CPSF6: variants seen among roughly 807,000 people sequenced by gnomAD.
The protein encoded by CPSF6 is cleavage and polyadenylation specificity factor subunit 6.
Under a neutral mutation model 56.7 loss-of-function variants are expected in CPSF6, and 10 were observed. The ratio of observed to expected loss-of-function variants is 0.18; its 90% CI spans 0.11 to 0.30. The LOEUF is 0.30. CPSF6 is among the 10% of genes least tolerant of loss of function. CPSF6 has a pLI of 1.00. For missense variants in CPSF6, 419 were observed against 722.9 expected (o/e 0.58, Z 4.82); for synonymous variants, 248 against 244.8 (o/e 1.01, Z -0.12).
chr12:69,245,762 A>G (rs1169465304), intron 1 of CPSF6, among the ~76,000 whole-genome samples: 1 of 152,180 alleles, frequency 6.6e-6, no homozygotes, highest in African/African-American at 2.4e-5. Context: ...CCGATAGCAC[A>G]AATTTAGTAA....
At chr12:69,241,903 C>T (rs1327838127) in intron 1 of CPSF6, among the ~76,000 whole-genome samples, 1 of 149,670 alleles carries the variant, frequency 6.7e-6, no homozygotes, top group African/African-American at 2.5e-5. Context: ...ATTACCGCTT[C>T]TTGCTGTGGT....
chr12:69,248,915 A>G (rs987295728), intron 1 of CPSF6, among the ~76,000 whole-genome samples: 5 of 151,940 alleles, frequency 3.3e-5, no homozygotes, highest in African/African-American at 1.2e-4. Context: ...TATAAATGAT[A>G]TTTCCCCTAC....
At chr12:69,265,158 TATTC>T (rs1451477373) in intron 9 of CPSF6, among the ~76,000 whole-genome samples, 1 of 152,172 alleles carries the variant, frequency 6.6e-6, no homozygotes, top group East Asian at 1.9e-4. Context: ...TTTCTAAAAG[TATTC>T]AATATCTAAG....
Position 69,258,731 on chromosome 12 carries a change from T to C in CPSF6, c.836T>C (p.Phe279Ser). 6.2e-7 allele frequency: 1 copy of C among 1,614,008 alleles called. No individual in the cohort carries two copies. Among genetic ancestry groups the C allele is most frequent in the Non-Finnish European group, 8.5e-7 (1 of 1,180,000 alleles). Reference sequence around the variant, plus strand: ...GATCGCCCTCCACCACCAGTTCTTTTTCCTGGACAACCTTTTGGGCAGCCT... The same window carrying C: ...GATCGCCCTCCACCACCAGTTCTTTCTCCTGGACAACCTTTTGGGCAGCCT... ...RGDRPPPPVL[F>S]PGQPFGQPPL... The change falls in exon 6 of 10, where the codon TTT becomes TCT. Residue 279 changes from phenylalanine to serine, a missense_variant. By Grantham distance (155) the Phe-to-Ser change is radical (BLOSUM62 -2). Coordinates refer to ENST00000435070, the MANE Select transcript of CPSF6 (RefSeq NM_007007.3). This position sits in a 1 kb window ranked among gnomAD's most constrained non-coding sequence, Gnocchi z 4.2.
intron 1 of CPSF6, among the ~76,000 whole-genome samples, chr12:69,241,738 C>T (rs1360392168): frequency 6.6e-6 from 1 of 152,080 alleles, no homozygotes; most frequent in African/African-American, 2.4e-5. Context: ...GTATAAGGTA[C>T]CTACTGCATT....
In CPSF6 at chr12:69,258,242, T is replaced by C. The variant is rs1872591299; in HGVS notation, c.694+337T>C. On this transcript the variant is annotated intron_variant, in intron 5 of 9. Coordinates refer to ENST00000435070, the MANE Select transcript of CPSF6 (RefSeq NM_007007.3). The surrounding 1 kb of genome is among the most constrained non-coding windows in gnomAD (Gnocchi z 4.2). ...TAAAAAAATCCTTTCAAGATCATTT[T>C]TCCTTGTTTCACTTTCTAGCTTGGC... The C allele has an allele frequency of 2.6e-6, 2 of 759,322 alleles. No homozygotes were observed. The highest frequency in any genetic ancestry group is 2.7e-5 in the Admixed American group (1 of 36,366). 47.0% of individuals were successfully genotyped at this position (759,322 alleles called of 1,614,324 possible).
At chr12:69,242,421 A>C (rs951156736) in intron 1 of CPSF6, among the ~76,000 whole-genome samples, 1 of 152,214 alleles carries the variant, frequency 6.6e-6, no homozygotes, top group Non-Finnish European at 1.5e-5. Flanking sequence ...AAGTAGAAAA[A>C]AGTGAGGCAT....
At chr12:69,251,025 T>C in intron 1 of CPSF6, 104 bp from the exon 2 acceptor site, 7 of 1,138,648 alleles carry the variant, frequency 6.1e-6, no homozygotes, top group Non-Finnish European at 8.6e-6. Context: ...ATCCTTGGCC[T>C]TTTTCCATCA....
Position 69,245,805 on chromosome 12 carries a change from G to A in CPSF6, c.61-5324G>A, listed in dbSNP as rs138513014. On this transcript the variant is annotated intron_variant, in intron 1 of 9. Transcript: ENST00000435070. ...ACCCAGCTTTAAAATGGAAGTGTAGGCCAGGTGCGGTGGCTCATGCCTATA... is the reference window on the plus strand; with the variant it reads ...ACCCAGCTTTAAAATGGAAGTGTAGACCAGGTGCGGTGGCTCATGCCTATA... 4.7e-3 allele frequency among the ~76,000 whole-genome samples: 711 copies of A among 152,270 alleles called. 2 individuals are homozygous for A. The highest frequency in any genetic ancestry group is 8.1e-3 in the Non-Finnish European group (552 of 68,020).
At chr12:69,252,642 A>T (rs1872307806) in intron 2 of CPSF6, among the ~76,000 whole-genome samples, 1 of 152,242 alleles carries the variant, frequency 6.6e-6, no homozygotes, top group Admixed American at 6.5e-5. Flanking sequence ...TATGGTAGAT[A>T]TTAAATACAT....
intron 4 of CPSF6, 122 bp downstream of exon 4, chr12:69,256,964 A>G: frequency 2.4e-6 from 2 of 829,824 alleles, no homozygotes; most frequent in Non-Finnish European, 3.7e-6. Flanking sequence ...CACAAAGTCC[A>G]TGCTTTGAAT....
chr12:69,260,306 A>T, intron 8 of CPSF6, 109 bp downstream of exon 8: 1 of 813,330 alleles, frequency 1.2e-6, no homozygotes. Context: ...CTGATTATTT[A>T]GCAGCTGGAG....
chr12:69,265,492 CCT>C lies in CPSF6; in HGVS notation c.*3+2937_*3+2938del, dbSNP rs568019966. On this transcript the variant is annotated intron_variant, in intron 9 of 9. Transcript: ENST00000435070. ...TAAAATACTCTTTATTCAGGCTTTT[CCT>C]CTCTCTATTTTATGAGGTTTTACAA... is the stretch of plus-strand genomic sequence containing the variant. Among the ~76,000 whole-genome samples, 6 of 151,904 alleles carry C rather than the reference CCT, an allele frequency of 3.9e-5. No homozygotes were observed. The South Asian group carries it at 1.2e-3, about 32-fold the overall frequency.
chr12:69,243,462 G>T (rs1871728362), intron 1 of CPSF6, among the ~76,000 whole-genome samples: 1 of 152,174 alleles, frequency 6.6e-6, no homozygotes, highest in Non-Finnish European at 1.5e-5. Context: ...TTCAAACCTG[G>T]AAGGTACAGC....
intron 1 of CPSF6, among the ~76,000 whole-genome samples, chr12:69,240,345 G>A (rs1453182615): frequency 9.8e-5 from 15 of 152,338 alleles, no homozygotes; most frequent in Non-Finnish European, 2.9e-5. Context: ...CTTTCTGAAG[G>A]CGACTGAGGT....
intron 2 of CPSF6, 74 bp downstream of exon 2, chr12:69,251,412 C>G (rs961261366): frequency 6.9e-6 from 7 of 1,007,532 alleles, no homozygotes; most frequent in African/African-American, 3.3e-5. Flanking sequence ...ATGTTTTTCT[C>G]CAGATTTTTA....
intron 8 of CPSF6, among the ~76,000 whole-genome samples, chr12:69,260,980 C>G (rs1326358330): frequency 6.6e-6 from 1 of 152,138 alleles, no homozygotes; most frequent in African/African-American, 2.4e-5. Context: ...ATAAAAATTT[C>G]TCGAATGAGG....
chr12:69,244,695 CTT>C (rs78489825), intron 1 of CPSF6, among the ~76,000 whole-genome samples: 8 of 149,358 alleles, frequency 5.4e-5, no homozygotes, highest in South Asian at 2.1e-4. Context: ...TGAACCTGGT[CTT>C]TTTTTTTTTA....
intron 1 of CPSF6, among the ~76,000 whole-genome samples, chr12:69,241,263 AAAT>A (rs780752958): frequency 2.2e-4 from 34 of 152,356 alleles, no homozygotes; most frequent in South Asian, 2.1e-4. Context: ...CTTATGTTTT[AAAT>A]AATAATACTT....
Sources: allele counts gnomAD v4.1 joint callset (sites outside exome capture counted in the v4.1 genomes callset), GRCh38; gene constraint gnomAD v4.1.1; non-coding constraint Gnocchi (gnomAD v3.1); transcripts MANE v1.5; gene names NCBI Gene and HGNC (gene_info 2026-07-23, HGNC 2026-07-21).